Variants in KCNB2 observed in about 807,000 individuals in gnomAD.
KCNB2 encodes the protein potassium voltage-gated channel subfamily B member 2.
KCNB2 carries 15 observed loss-of-function variants against 61.5 expected under a neutral mutation model. The ratio of observed to expected loss-of-function variants is 0.24; its 90% CI spans 0.16 to 0.38. The LOEUF (loss-of-function observed/expected upper bound fraction) is 0.38. Among genes scored for constraint, KCNB2 ranks in the 10% least tolerant of loss-of-function variants. The probability of loss-of-function intolerance (pLI) is 1.00; values close to 1 mark genes in which losing one functional copy is unlikely to be tolerated. For synonymous variants in KCNB2, 457 were observed against 446.0 expected (o/e 1.02, Z -0.31); for missense variants, 828 against 1,125.2 (o/e 0.74, Z 3.78).
At chr8:72,551,342 C>T (rs1336031073) in intron 1 of KCNB2, among the ~76,000 whole-genome samples, 1 of 152,140 alleles carries the variant, frequency 6.6e-6, no homozygotes, top group Non-Finnish European at 1.5e-5. Flanking sequence ...TTGGGGGCTA[C>T]CATATTCCTC....
chr8:72,759,309 C>T (rs1234775661), intron 2 of KCNB2, among the ~76,000 whole-genome samples: 1 of 151,890 alleles, frequency 6.6e-6, no homozygotes, highest in Non-Finnish European at 1.5e-5. Flanking sequence ...AAGAATACCA[C>T]CTCTCTATAT....
intron 2 of KCNB2, among the ~76,000 whole-genome samples, chr8:72,623,313 T>G (rs1805739139): frequency 6.6e-6 from 1 of 152,186 alleles, no homozygotes; most frequent in South Asian, 2.1e-4. Flanking sequence ...TTTCTGGAGT[T>G]GTTTTGATTC....
intron 2 of KCNB2, among the ~76,000 whole-genome samples, chr8:72,791,141 G>A (rs1808935284): frequency 6.6e-6 from 1 of 152,164 alleles, no homozygotes; most frequent in South Asian, 2.1e-4. Flanking sequence ...AGATGTTAGA[G>A]ACTCAGGCAG....
chr8:72,602,245 C>G (rs1805364609), intron 2 of KCNB2, among the ~76,000 whole-genome samples: 1 of 152,148 alleles, frequency 6.6e-6, no homozygotes, highest in Admixed American at 6.5e-5. Flanking sequence ...CAGAATCAGT[C>G]ACTGAGTGGT....
chr8:72,893,889 C>T (rs1805942691), intron 2 of KCNB2, among the ~76,000 whole-genome samples: 2 of 152,044 alleles, frequency 1.3e-5, no homozygotes, highest in Admixed American at 1.3e-4. Flanking sequence ...AAAAATAACA[C>T]AATAATAAAG....
In KCNB2 at chr8:72,626,413, A is replaced by G. The variant is rs191331310; in HGVS notation, c.579+58100A>G. Among the ~76,000 whole-genome samples, 35 of 152,328 alleles carry G rather than the reference A, an allele frequency of 2.3e-4. No homozygotes were observed. In the East Asian group the frequency reaches 6.8e-3, roughly 29 times the overall value. The stretch of plus-strand genomic sequence containing the variant: ...AATTAATATGTAATCAATCACACTC[A>G]GAATATATTTGGGCAGCTTATATGT... On this transcript the variant is annotated intron_variant, in intron 2 of 2. Coordinates refer to ENST00000523207, the MANE Select transcript of KCNB2 (RefSeq NM_004770.3).
chr8:72,820,554 A>G (rs1809480528), intron 2 of KCNB2, among the ~76,000 whole-genome samples: 1 of 151,742 alleles, frequency 6.6e-6, no homozygotes, highest in South Asian at 2.1e-4. Context: ...GTATCTAGAT[A>G]TACTTCCCTG....
intron 1 of KCNB2, among the ~76,000 whole-genome samples, chr8:72,551,532 G>T (rs538661166): frequency 6.6e-6 from 1 of 151,976 alleles, no homozygotes; most frequent in Non-Finnish European, 1.5e-5. Flanking sequence ...AGGCCGTCTC[G>T]CATAGTTACT....
chr8:72,639,790 G>C (rs1157742943), intron 2 of KCNB2, among the ~76,000 whole-genome samples: 1 of 151,950 alleles, frequency 6.6e-6, no homozygotes, highest in Non-Finnish European at 1.5e-5. Flanking sequence ...GCATGACATC[G>C]GTCTATTTTT....
intron 2 of KCNB2, among the ~76,000 whole-genome samples, chr8:72,748,973 AT>A (rs1275903748): frequency 6.6e-6 from 1 of 152,098 alleles, no homozygotes; most frequent in Non-Finnish European, 1.5e-5. Flanking sequence ...TCTAACTGAA[AT>A]TTTGTACCCT....
intron 2 of KCNB2, among the ~76,000 whole-genome samples, chr8:72,792,101 C>A (rs58059828): frequency 0.026 from 4,033 of 152,246 alleles, 63 homozygotes; most frequent in African/African-American, 0.037. Flanking sequence ...GTAAATGGGG[C>A]TGAGAAACTC....
rs1189336093 is a variant in KCNB2 at position 72,561,727 on chromosome 8, A to ATATATGTG, written c.-93-5914_-93-5913insATATGTGT. Among the ~76,000 whole-genome samples the ATATATGTG allele has an allele frequency of 7.0e-3, 245 of 35,246 alleles. 33 individuals carry two copies. Among genetic ancestry groups the ATATATGTG allele is most frequent in the Non-Finnish European group, 0.011 (178 of 15,822 alleles). 23.1% of individuals were successfully genotyped at this position (35,246 alleles called of 152,430 possible). ...TATATATATATATATATATATATAT[A>ATATATGTG]TCTATATCTATATATATATGTATAT... is the stretch of plus-strand genomic sequence containing the variant. On this transcript the variant is annotated intron_variant, in intron 1 of 2. Transcript: ENST00000523207.
chr8:72,690,263 T>C (rs1211929610), intron 2 of KCNB2, among the ~76,000 whole-genome samples: 1 of 152,174 alleles, frequency 6.6e-6, no homozygotes, highest in Non-Finnish European at 1.5e-5. Context: ...AGTAGATTTA[T>C]AAAATGCTGC....
chr8:72,905,545 T>A (rs866564336), intron 2 of KCNB2, among the ~76,000 whole-genome samples: 1 of 151,358 alleles, frequency 6.6e-6, no homozygotes, highest in South Asian at 2.1e-4. Context: ...AGAAGAGTAA[T>A]GGCACTTAAG....
intron 2 of KCNB2, among the ~76,000 whole-genome samples, chr8:72,644,095 C>T (rs1806093996): frequency 6.6e-6 from 1 of 152,062 alleles, no homozygotes; most frequent in Admixed American, 6.6e-5. Context: ...TAAATCTGTA[C>T]ATAAAATGCC....
intron 2 of KCNB2, among the ~76,000 whole-genome samples, chr8:72,871,129 A>G (rs1374156940): frequency 1.3e-5 from 2 of 152,224 alleles, no homozygotes; most frequent in Non-Finnish European, 2.9e-5. Flanking sequence ...ATCATCTGTA[A>G]TAATATCCAC....
intron 2 of KCNB2, among the ~76,000 whole-genome samples, chr8:72,817,188 A>G (rs1182936876): frequency 6.6e-6 from 1 of 152,140 alleles, no homozygotes; most frequent in East Asian, 1.9e-4. Flanking sequence ...GCTTATGACA[A>G]CTTATCAATG....
rs563784012 is a variant in KCNB2 at position 72,561,792 on chromosome 8, T to C, written c.-93-5850T>C. On this transcript the variant is annotated intron_variant, in intron 1 of 2. Transcript: ENST00000523207. ...ATATATATATGGATATATATATACATATATATATATATGAATGATAGTTTT... is the reference window on the plus strand; with the variant it reads ...ATATATATATGGATATATATATACACATATATATATATGAATGATAGTTTT... Among the ~76,000 whole-genome samples, 97 of 88,890 alleles carry C rather than the reference T, an allele frequency of 1.1e-3. 16 individuals are homozygous for C. Among genetic ancestry groups the C allele is most frequent in the South Asian group, 5.7e-3 (16 of 2,824 alleles). 58.3% of individuals were successfully genotyped at this position (88,890 alleles called of 152,430 possible).
chr8:72,813,292 C>G (rs891458437), intron 2 of KCNB2, among the ~76,000 whole-genome samples: 4 of 152,006 alleles, frequency 2.6e-5, no homozygotes, highest in African/African-American at 9.7e-5. Context: ...TTCCACAAAC[C>G]TGCCTCTGCT....
Sources: allele counts gnomAD v4.1 joint callset (sites outside exome capture counted in the v4.1 genomes callset), GRCh38; gene constraint gnomAD v4.1.1; transcripts MANE v1.5; gene names NCBI Gene and HGNC (gene_info 2026-07-23, HGNC 2026-07-21).